PKHD1: variants seen among roughly 807,000 people sequenced by gnomAD.
PKHD1 encodes the protein fibrocystin.
In PKHD1, 291 loss-of-function variants were observed where a neutral mutation model predicts 412.0. That is an observed-to-expected ratio of 0.71 (90% CI 0.64 to 0.78). The LOEUF (loss-of-function observed/expected upper bound fraction) is 0.78. Among genes scored for constraint, PKHD1 ranks in the 30% least tolerant of loss-of-function variants. PKHD1 has a pLI of 0.00. For synonymous variants in PKHD1, 1,777 were observed against 1,821.5 expected, an observed-to-expected ratio of 0.98 and a Z score of 0.62; for missense variants, 4,825 against 4,950.7, an observed-to-expected ratio of 0.97 and a Z score of 0.76.
Position 51,897,156 on chromosome 6 carries a change from G to C in PKHD1, c.6996+6441C>G, listed in dbSNP as rs1341742174. Reference sequence around the variant, plus strand: ...GGCCAACGTTCAGATTCAGGAAATAGAGAGAACGCCACAAAGATATTCATC... The same window carrying C: ...GGCCAACGTTCAGATTCAGGAAATACAGAGAACGCCACAAAGATATTCATC... On this transcript the variant is annotated intron_variant, in intron 43 of 66. Coordinates refer to ENST00000371117, the MANE Select transcript of PKHD1 (RefSeq NM_138694.4). 3.5e-4 allele frequency among the ~76,000 whole-genome samples: 54 copies of C among 152,206 alleles called. 1 individual carries two copies. Among genetic ancestry groups the C allele is most frequent in the South Asian group, 8.3e-4 (4 of 4,820 alleles).
chr6:51,740,907 T>C (rs1356290255), intron 60 of PKHD1, among the ~76,000 whole-genome samples: 2 of 152,288 alleles, frequency 1.3e-5, no homozygotes, highest in East Asian at 3.9e-4. Context: ...TTGGTACCTA[T>C]AGCAACCTCA....
chr6:51,707,451 C>A (rs983452410), intron 60 of PKHD1, among the ~76,000 whole-genome samples: 2 of 152,120 alleles, frequency 1.3e-5, no homozygotes, highest in Non-Finnish European at 2.9e-5. Flanking sequence ...CACATCCTCC[C>A]AATTTATCAA....
chr6:51,991,452 C>T (rs569481534), intron 35 of PKHD1, among the ~76,000 whole-genome samples: 1 of 152,136 alleles, frequency 6.6e-6, no homozygotes, highest in Non-Finnish European at 1.5e-5. Flanking sequence ...GCAGATTCTT[C>T]TTTTCAAAGG....
At position 52,060,051 on chromosome 6, in the gene PKHD1, T is replaced by G. The variant is rs1190120876; in HGVS notation, c.1119-9A>C. 1 of 1,497,274 alleles carries G rather than the reference T, an allele frequency of 6.7e-7. No individual in the cohort carries two copies. The highest frequency in any genetic ancestry group is 2.3e-5 in the East Asian group (1 of 44,352). 92.7% of individuals were successfully genotyped at this position (1,497,274 alleles called of 1,614,324 possible). A position where few individuals can be genotyped will look rare whatever the true frequency, so the allele number is the denominator to read the frequency against. ...ACCCACTGAGCCGTGCTCTGTAAAG[T>G]AGAACATAGAGTCAAGCAAGAGTAA... On this transcript the variant is annotated splice_polypyrimidine_tract_variant and intron_variant, in intron 14 of 66. Coordinates refer to ENST00000371117, the MANE Select transcript of PKHD1 (RefSeq NM_138694.4).
At chr6:52,032,093 G>A (rs376497473) in intron 29 of PKHD1, among the ~76,000 whole-genome samples, 8 of 152,100 alleles carry the variant, frequency 5.3e-5, no homozygotes, top group African/African-American at 1.7e-4. Context: ...AGTCACCTGG[G>A]GCAGCAAATT....
chr6:51,807,458 A>AAATATATATATATATAT (rs1332349363), intron 52 of PKHD1, among the ~76,000 whole-genome samples: 1 of 49,676 alleles, frequency 2.0e-5, no homozygotes, highest in African/African-American at 6.0e-5. Flanking sequence ...AAAAAAAAAA[A>AAATATATATATATATAT]ATATATATAT....
At chr6:51,746,548 G>C (rs139531083) in intron 59 of PKHD1, among the ~76,000 whole-genome samples, 173 bp downstream of exon 59, 1 of 152,066 alleles carries the variant, frequency 6.6e-6, no homozygotes, top group Admixed American at 6.6e-5. Flanking sequence ...TATATCACAA[G>C]GCGTGAATAT....
intron 48 of PKHD1, among the ~76,000 whole-genome samples, chr6:51,866,527 C>T (rs963011670): frequency 7.9e-5 from 12 of 152,122 alleles, no homozygotes; most frequent in Non-Finnish European, 1.8e-4. Flanking sequence ...GTTTCAGGCA[C>T]TACAGAGCCT....
chr6:52,053,851 T>C (rs757610881), intron 20 of PKHD1, among the ~76,000 whole-genome samples, 187 bp downstream of exon 20: 1 of 152,210 alleles, frequency 6.6e-6, no homozygotes, highest in Non-Finnish European at 1.5e-5. Context: ...TAGGGAGTAG[T>C]ATATTCTTAA....
intron 52 of PKHD1, among the ~76,000 whole-genome samples, chr6:51,807,479 A>ATGTGTGTG (rs1216842472): frequency 2.6e-4 from 27 of 103,452 alleles, no homozygotes; most frequent in African/African-American, 1.1e-3. Flanking sequence ...ATATATATAT[A>ATGTGTGTG]TGTATATGTG....
At position 51,911,912 on chromosome 6, in the gene PKHD1, T is replaced by G. The variant is rs1243616524; in HGVS notation, c.6377A>C (p.His2126Pro). ...CAGAGCCACAGTGGCCTTTAAAATA[T>G]GGTGCTCTCCAGCCACCCAATTCTC... is the stretch of plus-strand genomic sequence containing the variant. ...FTENWVAGEH[H>P]ILKATVALLS... Residue 2126 changes from histidine (H) to proline (P), a missense_variant, in exon 39 of 67, where the codon CAT becomes CCT. His to Pro is a moderately conservative substitution (Grantham distance 77). Coordinates refer to ENST00000371117, the MANE Select transcript of PKHD1 (RefSeq NM_138694.4). 1 of 1,612,032 alleles carries G rather than the reference T, an allele frequency of 6.2e-7. No homozygotes were observed. The highest frequency in any genetic ancestry group is 8.5e-7 in the Non-Finnish European group (1 of 1,178,596).
Position 52,083,235 on chromosome 6 carries a change from T to C in PKHD1, c.73A>G (p.Ile25Val), listed in dbSNP as rs1787942317. ...GCAAGGCTACCTTCTTCAGGTTCAA[T>C]ATGTAAACTCAGGTGACGTACTGTA... is the stretch of plus-strand genomic sequence containing the variant. The part of the protein sequence containing the change: ...LLAVRHLSLH[I>V]EPEEGSLAGG... The change falls in exon 3 of 67, where the codon ATT becomes GTT. Residue 25 changes from isoleucine (I) to valine (V), a missense_variant. Ile to Val is a conservative substitution (Grantham distance 29). Transcript: ENST00000371117. 1.2e-6 allele frequency: 2 copies of C among 1,610,022 alleles called. No individual in the cohort carries two copies. Among genetic ancestry groups the C allele is most frequent in the Non-Finnish European group, 1.7e-6 (2 of 1,176,344 alleles).
chr6:51,793,983 C>G (rs1055797659), intron 52 of PKHD1, among the ~76,000 whole-genome samples: 1 of 152,040 alleles, frequency 6.6e-6, no homozygotes, highest in African/African-American at 2.4e-5. Flanking sequence ...AATTTACACT[C>G]CTACCAATAG....
chr6:52,032,263 G>A (rs1473828098), intron 29 of PKHD1, among the ~76,000 whole-genome samples: 1 of 152,126 alleles, frequency 6.6e-6, no homozygotes, highest in Non-Finnish European at 1.5e-5. Context: ...TAAACCCTTA[G>A]ATATGGCTAC....
intron 50 of PKHD1, among the ~76,000 whole-genome samples, chr6:51,837,250 T>C (rs570868486): frequency 6.6e-6 from 1 of 152,290 alleles, no homozygotes; most frequent in South Asian, 2.1e-4. Context: ...GCCTTATTGT[T>C]TGTCACATGA....
chr6:51,666,397 A>C (rs926592298), intron 60 of PKHD1, among the ~76,000 whole-genome samples: 6 of 152,188 alleles, frequency 3.9e-5, no homozygotes, highest in African/African-American at 1.2e-4. Flanking sequence ...CAATGTTGTA[A>C]TATTTTTTAT....
At chr6:51,750,538 C>A (rs951792348) in intron 57 of PKHD1, among the ~76,000 whole-genome samples, 2 of 151,522 alleles carry the variant, frequency 1.3e-5, no homozygotes, top group African/African-American at 4.9e-5. Context: ...GAGGGAAGGG[C>A]ATGCAGCTCC....
At chr6:51,892,340 G>A (rs181834909) in intron 43 of PKHD1, among the ~76,000 whole-genome samples, 273 of 152,292 alleles carry the variant, frequency 1.8e-3, no homozygotes, top group African/African-American at 6.4e-3. Flanking sequence ...GTCTTAGGGT[G>A]GCCTAGTCTA....
At chr6:51,904,311 C>T (rs1372035406) in intron 41 of PKHD1, among the ~76,000 whole-genome samples, 1 of 152,088 alleles carries the variant, frequency 6.6e-6, no homozygotes. Flanking sequence ...TGTTAAGTGC[C>T]ACATATCCTG....
Sources: allele counts gnomAD v4.1 joint callset (sites outside exome capture counted in the v4.1 genomes callset), GRCh38; gene constraint gnomAD v4.1.1; transcripts MANE v1.5; gene names NCBI Gene and HGNC (gene_info 2026-07-23, HGNC 2026-07-21).